Variants in MAP3K13 observed in about 807,000 individuals in gnomAD.
MAP3K13 encodes leucine zipper-bearing kinase.
A neutral mutation model predicts 104.0 loss-of-function variants in MAP3K13; 52 were observed. The ratio of observed to expected loss-of-function variants is 0.50; its 90% CI spans 0.40 to 0.63. MAP3K13 has a LOEUF of 0.63. Among genes scored for constraint, MAP3K13 ranks in the 20% least tolerant of loss-of-function variants. The pLI, the probability that MAP3K13 is intolerant of heterozygous loss-of-function variation, is 0.00. For missense variants in MAP3K13, 914 were observed against 1,218.5 expected, an observed-to-expected ratio of 0.75 and a Z score of 3.72; for synonymous variants, 394 against 442.2, an observed-to-expected ratio of 0.89 and a Z score of 1.37.
chr3:185,434,676 T>G (rs1283456505), intron 2 of MAP3K13, among the ~76,000 whole-genome samples: 1 of 152,086 alleles, frequency 6.6e-6, no homozygotes, highest in Non-Finnish European at 1.5e-5. Context: ...GAACACAAAC[T>G]AGGAGGGTAG....
intron 1 of MAP3K13, among the ~76,000 whole-genome samples, chr3:185,400,608 T>C (rs1304039524): frequency 6.6e-6 from 1 of 152,146 alleles, no homozygotes; most frequent in African/African-American, 2.4e-5. Context: ...CAGTAGCAAA[T>C]CGGATGGGTG....
intron 1 of MAP3K13, among the ~76,000 whole-genome samples, chr3:185,426,003 A>G (rs899881520): frequency 6.6e-6 from 1 of 152,140 alleles, no homozygotes; most frequent in Non-Finnish European, 1.5e-5. Context: ...ACTGCATACC[A>G]TGTAATAGGA....
intron 1 of MAP3K13, among the ~76,000 whole-genome samples, chr3:185,408,343 G>A (rs1044697193): frequency 2.9e-4 from 44 of 152,020 alleles, no homozygotes; most frequent in African/African-American, 9.9e-4. Flanking sequence ...AGGCTGAGGC[G>A]GGTGGATCTC....
intron 7 of MAP3K13, among the ~76,000 whole-genome samples, chr3:185,460,423 G>GA (rs1717030978): frequency 6.6e-6 from 1 of 152,152 alleles, no homozygotes; most frequent in Non-Finnish European, 1.5e-5. Context: ...GCCTTGTAGT[G>GA]AAACGATGGG....
At chr3:185,474,679 C>CA (rs1718008924) in intron 11 of MAP3K13, among the ~76,000 whole-genome samples, 1 of 152,182 alleles carries the variant, frequency 6.6e-6, no homozygotes, top group Admixed American at 6.5e-5. Flanking sequence ...CCAGATAGTT[C>CA]TTAATCATTG....
At position 185,393,480 on chromosome 3, in the gene MAP3K13, A is replaced by G. The variant is rs564921376; in HGVS notation, c.-86+30112A>G. Among the ~76,000 whole-genome samples the G allele has an allele frequency of 5.6e-5, 8 of 144,052 alleles. No homozygotes were observed. In the South Asian group the frequency reaches 1.7e-3, roughly 31 times the overall value. The allele number at this position is 144,052 out of a possible 152,430, so 94.5% of individuals were successfully genotyped here. Reference sequence around the variant, plus strand: ...TAAGTATCTTTTTTTTTTTTTTGAGACGGAGTCTCGCTCTGTTGTCCAGGC... The same window carrying G: ...TAAGTATCTTTTTTTTTTTTTTGAGGCGGAGTCTCGCTCTGTTGTCCAGGC... On this transcript the variant is annotated intron_variant, in intron 1 of 13. Coordinates refer to ENST00000265026, the MANE Select transcript of MAP3K13 (RefSeq NM_004721.5).
At chr3:185,406,824 A>T (rs1371948450) in intron 1 of MAP3K13, among the ~76,000 whole-genome samples, 1 of 152,184 alleles carries the variant, frequency 6.6e-6, no homozygotes, top group Non-Finnish European at 1.5e-5. Flanking sequence ...CTGAGATTGA[A>T]TGGATGCCCT....
chr3:185,431,087 T>A (rs1714716515), intron 2 of MAP3K13, among the ~76,000 whole-genome samples: 1 of 152,118 alleles, frequency 6.6e-6, no homozygotes, highest in Admixed American at 6.5e-5. Context: ...TCGTGAGCAC[T>A]CACTCACTAT....
chr3:185,329,513 A>G (rs7624124), intron 2 of MAP3K13, among the ~76,000 whole-genome samples: 101,525 of 152,140 alleles, frequency 0.67, 35,561 homozygotes, highest in Middle Eastern at 0.79. Flanking sequence ...TTCAAAGAGG[A>G]AGAACTTTGT....
At chr3:185,478,361 G>A (rs1468010561) in intron 12 of MAP3K13, among the ~76,000 whole-genome samples, 15 of 152,112 alleles carry the variant, frequency 9.9e-5, no homozygotes, top group Non-Finnish European at 1.9e-4. Context: ...GAAGGTTTGT[G>A]TACCTGCCTG....
chr3:185,361,084 G>A (rs1723592021), upstream of MAP3K13, among the ~76,000 whole-genome samples: 1 of 40,352 alleles, frequency 2.5e-5, no homozygotes. Flanking sequence ...ATATGTGTAT[G>A]TGTATATATA....
At chr3:185,445,742 T>TA (rs1373075744) in intron 4 of MAP3K13, among the ~76,000 whole-genome samples, 1 of 152,206 alleles carries the variant, frequency 6.6e-6, no homozygotes, top group Non-Finnish European at 1.5e-5. Context: ...TCTCATTACT[T>TA]ACATTAAATC....
At chr3:185,472,562 C>T (rs984184964) in intron 10 of MAP3K13, among the ~76,000 whole-genome samples, 1 of 152,032 alleles carries the variant, frequency 6.6e-6, no homozygotes, top group Non-Finnish European at 1.5e-5. Flanking sequence ...TTCTTTGGGA[C>T]GTTGTTCCAT....
intron 2 of MAP3K13, among the ~76,000 whole-genome samples, chr3:185,310,532 C>T (rs1348271844): frequency 6.6e-6 from 1 of 152,060 alleles, no homozygotes; most frequent in Non-Finnish European, 1.5e-5. Flanking sequence ...TGGGGAATTT[C>T]AGCAGAGAAA....
At chr3:185,309,535 GAAAAAAGAAAC>G in intron 2 of MAP3K13, among the ~76,000 whole-genome samples, 1 of 146,134 alleles carries the variant, frequency 6.8e-6, no homozygotes, top group Non-Finnish European at 1.5e-5. Context: ...AAAAAAGAAA[GAAAAAAGAAAC>G]AAAAAGATTG....
chr3:185,310,526 G>A (rs1435823712), intron 2 of MAP3K13, among the ~76,000 whole-genome samples: 1 of 152,148 alleles, frequency 6.6e-6, no homozygotes, highest in East Asian at 1.9e-4. Flanking sequence ...AACAGTTGGG[G>A]AATTTCAGCA....
At chr3:185,441,740 T>A (rs1715332971) in intron 3 of MAP3K13, among the ~76,000 whole-genome samples, 1 of 151,542 alleles carries the variant, frequency 6.6e-6, no homozygotes, top group South Asian at 2.1e-4. Context: ...CCGTCTCTAC[T>A]AAAAATAAAA....
At chr3:185,284,821 C>G (rs1720450921) in intron 1 of MAP3K13, among the ~76,000 whole-genome samples, 1 of 151,980 alleles carries the variant, frequency 6.6e-6, no homozygotes, top group Non-Finnish European at 1.5e-5. Context: ...AAAACAACTA[C>G]TGTAACCAGA....
At chr3:185,413,337 A>G (rs999786892) in intron 1 of MAP3K13, among the ~76,000 whole-genome samples, 1 of 152,336 alleles carries the variant, frequency 6.6e-6, no homozygotes, top group African/African-American at 2.4e-5. Context: ...ACTTCCTGTA[A>G]TGATGGAAAT....
Sources: allele counts gnomAD v4.1 joint callset (sites outside exome capture counted in the v4.1 genomes callset), GRCh38; gene constraint gnomAD v4.1.1; transcripts MANE v1.5; gene names NCBI Gene and HGNC (gene_info 2026-07-23, HGNC 2026-07-21).